The following GNA14 variants were observed in gnomAD, a reference collection of about 807,000 sequenced individuals.
GNA14 encodes guanine nucleotide-binding protein subunit alpha-14.
GNA14 carries 50 observed loss-of-function variants against 42.0 expected under a neutral mutation model. The observed-to-expected ratio is 1.19, with a 90% CI of 0.95 to 1.51. GNA14 has a LOEUF of 1.51. Among genes scored for constraint, GNA14 ranks in the 40% most tolerant of loss-of-function variants. GNA14 has a pLI of 0.00. For missense variants in GNA14, 473 were observed against 446.2 expected (o/e 1.06, Z -0.54); for synonymous variants, 173 against 163.1 (o/e 1.06, Z -0.46).
intron 1 of GNA14, among the ~76,000 whole-genome samples, chr9:77,614,692 C>T (rs1474602971): frequency 6.6e-6 from 1 of 152,140 alleles, no homozygotes; most frequent in Non-Finnish European, 1.5e-5. Flanking sequence ...CAAAAAAGCT[C>T]CCTGCCATGC....
rs559447662 is a variant in GNA14, at chr9:77,597,129, T to G, written c.124+50541A>C. 3.3e-5 allele frequency among the ~76,000 whole-genome samples: 5 copies of G among 152,316 alleles called. No individual in the cohort carries two copies. The South Asian group carries it at 1.0e-3, about 32-fold the overall frequency. The stretch of plus-strand genomic sequence containing the variant: ...TTAGATTTTCTGGGTTCACAGAAAC[T>G]TGGGCATTTTACTATCTTATTTCAA... On this transcript the variant is annotated intron_variant, in intron 1 of 6. Coordinates refer to ENST00000341700, the MANE Select transcript of GNA14 (RefSeq NM_004297.4).
At chr9:77,589,361 T>G (rs1739950468) in intron 1 of GNA14, among the ~76,000 whole-genome samples, 1 of 152,262 alleles carries the variant, frequency 6.6e-6, no homozygotes, top group Non-Finnish European at 1.5e-5. Flanking sequence ...CTAGAAATTT[T>G]ATTCATGCAA....
intron 2 of GNA14, among the ~76,000 whole-genome samples, chr9:77,510,296 C>A (rs1233949318): frequency 6.6e-6 from 1 of 152,146 alleles, no homozygotes; most frequent in Non-Finnish European, 1.5e-5. Flanking sequence ...CTTGTGTCAG[C>A]GCTTATTATT....
intron 1 of GNA14, among the ~76,000 whole-genome samples, chr9:77,532,351 A>G (rs1253557474): frequency 6.6e-6 from 1 of 152,226 alleles, no homozygotes; most frequent in African/African-American, 2.4e-5. Context: ...CACCTGGTAC[A>G]GAGATTTCAA....
intron 4 of GNA14, among the ~76,000 whole-genome samples, chr9:77,429,553 A>C (rs1378545271): frequency 1.6e-5 from 2 of 126,928 alleles, no homozygotes; most frequent in East Asian, 4.3e-4. Flanking sequence ...TGTCCAGTAC[A>C]GAAATCCAAA....
chr9:77,438,457 G>A (rs955463916), intron 2 of GNA14, among the ~76,000 whole-genome samples: 10 of 151,766 alleles, frequency 6.6e-5, no homozygotes, highest in Admixed American at 3.3e-4. Context: ...TAGTACAGAC[G>A]GGGTTTCAAC....
At position 77,618,596 on chromosome 9, in the gene GNA14, A is replaced by ATATATGTATG. The variant is rs1554703803; in HGVS notation, c.124+29073_124+29074insCATACATATA. ...ATTACATTTGAATATATATATATAT[A>ATATATGTATG]TATATATATATATATATATATATAT... On this transcript the variant is annotated intron_variant, in intron 1 of 6. Transcript: ENST00000341700. Among the ~76,000 whole-genome samples the ATATATGTATG allele has an allele frequency of 5.2e-3, 75 of 14,368 alleles. 1 individual carries two copies. Among genetic ancestry groups the ATATATGTATG allele is most frequent in the African/African-American group, 0.015 (70 of 4,658 alleles). The allele number at this position is 14,368 out of a possible 152,430, so 9.4% of individuals were successfully genotyped here. A position where few individuals can be genotyped will look rare whatever the true frequency, so the allele number is the denominator to read the frequency against.
chr9:77,433,151 GT>G (rs1835585533), intron 3 of GNA14, among the ~76,000 whole-genome samples: 1 of 152,122 alleles, frequency 6.6e-6, no homozygotes, highest in South Asian at 2.1e-4. Flanking sequence ...CCAATGCCTT[GT>G]CCAGCTCAAT....
chr9:77,580,525 G>C, intron 1 of GNA14: 1 of 444,208 alleles, frequency 2.3e-6, no homozygotes, highest in Non-Finnish European at 4.4e-6. Context: ...GGTAGATGAA[G>C]ACCCCATCAT....
intron 2 of GNA14, among the ~76,000 whole-genome samples, chr9:77,494,248 G>A (rs149022799): frequency 0.023 from 3,526 of 152,168 alleles, 56 homozygotes; most frequent in Non-Finnish European, 0.033. Flanking sequence ...TCCATATTCT[G>A]TTCCATATTT....
At chr9:77,637,951 A>T (rs1157217162) in intron 1 of GNA14, among the ~76,000 whole-genome samples, 1 of 152,230 alleles carries the variant, frequency 6.6e-6, no homozygotes, top group Non-Finnish European at 1.5e-5. Context: ...GTTTATTCTG[A>T]AAAAATACTG....
At chr9:77,425,463 G>A in intron 6 of GNA14, 99 bp downstream of exon 6, 1 of 802,882 alleles carries the variant, frequency 1.2e-6, no homozygotes. Context: ...ATTGCAGGCA[G>A]ACCAGGGAGG....
At chr9:77,538,305 C>T (rs1220917805) in intron 1 of GNA14, among the ~76,000 whole-genome samples, 1 of 152,074 alleles carries the variant, frequency 6.6e-6, no homozygotes, top group Non-Finnish European at 1.5e-5. Context: ...AAATCCTGAC[C>T]TCAAGTGATC....
intron 2 of GNA14, among the ~76,000 whole-genome samples, chr9:77,498,760 T>C (rs992883963): frequency 2.0e-5 from 3 of 152,324 alleles, no homozygotes; most frequent in Admixed American, 6.5e-5. Context: ...TTACCCACTG[T>C]GTGATGACCA....
intron 1 of GNA14, among the ~76,000 whole-genome samples, chr9:77,596,280 G>A (rs530220817): frequency 6.6e-6 from 1 of 152,208 alleles, no homozygotes; most frequent in East Asian, 1.9e-4. Context: ...CTGAAATTAA[G>A]CCATGTTCAT....
intron 2 of GNA14, among the ~76,000 whole-genome samples, chr9:77,496,933 G>T (rs1836880661): frequency 6.6e-6 from 1 of 152,080 alleles, no homozygotes; most frequent in Non-Finnish European, 1.5e-5. Context: ...TAACAACATT[G>T]AACAGTATTT....
chr9:77,441,485 A>G (rs752499517), intron 2 of GNA14, among the ~76,000 whole-genome samples: 106 of 152,340 alleles, frequency 7.0e-4, no homozygotes, highest in South Asian at 1.7e-3. Context: ...GTATGTCTTT[A>G]TAGCAATGTG....
chr9:77,625,880 T>C (rs1490998446), intron 1 of GNA14, among the ~76,000 whole-genome samples: 2 of 152,220 alleles, frequency 1.3e-5, no homozygotes, highest in East Asian at 3.9e-4. Context: ...AATTCACACA[T>C]AACAATATTA....
intron 2 of GNA14, among the ~76,000 whole-genome samples, chr9:77,472,314 ACTC>A (rs1836346021): frequency 6.6e-6 from 1 of 151,724 alleles, no homozygotes; most frequent in Non-Finnish European, 1.5e-5. Flanking sequence ...CTTTCAAAAA[ACTC>A]CTCTCTGTTC....
Sources: gnomAD v4.1 joint callset for allele counts (sites outside exome capture counted in the v4.1 genomes callset) on GRCh38, gnomAD v4.1.1 for gene constraint, MANE v1.5 for transcripts, NCBI Gene and HGNC (gene_info 2026-07-23, HGNC 2026-07-21) for gene names.